CLEC16A: variants seen among roughly 807,000 people sequenced by gnomAD.
CLEC16A encodes protein CLEC16A.
Under a neutral mutation model 109.5 loss-of-function variants are expected in CLEC16A, and 51 were observed. The ratio of observed to expected loss-of-function variants is 0.47; its 90% CI spans 0.37 to 0.59. The LOEUF (loss-of-function observed/expected upper bound fraction) is 0.59. Among genes scored for constraint, CLEC16A ranks in the 20% least tolerant of loss-of-function variants. CLEC16A has a pLI of 0.00. For synonymous variants in CLEC16A, 673 were observed against 564.2 expected, an observed-to-expected ratio of 1.19 and a Z score of -2.73; for missense variants, 1,339 against 1,394.0, an observed-to-expected ratio of 0.96 and a Z score of 0.63.
chr16:11,168,320 C>G (rs530809833), intron 23 of CLEC16A, among the ~76,000 whole-genome samples: 18 of 152,312 alleles, frequency 1.2e-4, no homozygotes, highest in African/African-American at 4.1e-4. Context: ...CTTCTCATCT[C>G]AGAAATCCAG....
At chr16:11,120,966 G>A (rs1162280097) in intron 20 of CLEC16A, among the ~76,000 whole-genome samples, 200 bp downstream of exon 20, 1 of 152,090 alleles carries the variant, frequency 6.6e-6, no homozygotes. Context: ...AGTCCTCTTT[G>A]ACCAAAACGC....
intron 13 of CLEC16A, among the ~76,000 whole-genome samples, chr16:11,030,104 C>T (rs1258788746): frequency 6.6e-6 from 1 of 152,178 alleles, no homozygotes; most frequent in Non-Finnish European, 1.5e-5. Flanking sequence ...TATGAACATA[C>T]CACAGTTTAT....
intron 23 of CLEC16A, among the ~76,000 whole-genome samples, chr16:11,175,121 C>T (rs983320470): frequency 2.6e-5 from 4 of 152,214 alleles, no homozygotes; most frequent in Non-Finnish European, 4.4e-5. Context: ...TTTCCCAGCC[C>T]AGCACAACAA....
chr16:10,949,618 A>G (rs939427710), intron 1 of CLEC16A, among the ~76,000 whole-genome samples: 1 of 152,070 alleles, frequency 6.6e-6, no homozygotes, highest in African/African-American at 2.4e-5. Context: ...TCCAGAGGCC[A>G]GGTCCCCTGG....
chr16:11,040,031 C>T (rs369607399), intron 14 of CLEC16A, 155 bp downstream of exon 14: 1 of 889,904 alleles, frequency 1.1e-6, no homozygotes, highest in Non-Finnish European at 1.6e-6. Context: ...GCATCCTGGG[C>T]CAGCCCTCCT....
At chr16:11,144,875 G>A (rs867796930) in intron 22 of CLEC16A, among the ~76,000 whole-genome samples, 1 of 152,110 alleles carries the variant, frequency 6.6e-6, no homozygotes, top group African/African-American at 2.4e-5. Flanking sequence ...CTTGGGGGAC[G>A]GCTGTGCTAA....
intron 13 of CLEC16A, among the ~76,000 whole-genome samples, chr16:11,025,254 A>G (rs1037949543): frequency 2.6e-5 from 4 of 152,118 alleles, no homozygotes; most frequent in African/African-American, 9.7e-5. Flanking sequence ...CTCTTTCCTA[A>G]CATCAGAACT....
rs746162210 is a variant in CLEC16A at position 11,161,597 on chromosome 16, C to T, written c.2642-4791C>T. On this transcript the variant is annotated intron_variant, in intron 22 of 23. Transcript: ENST00000409790. ...TTGACTCGAAAGATATCTGGGGGTTCCAGCTTCCCTGAGTCCTATGGATTT... is the reference window on the plus strand; with the variant it reads ...TTGACTCGAAAGATATCTGGGGGTTTCAGCTTCCCTGAGTCCTATGGATTT... Among the ~76,000 whole-genome samples the T allele has an allele frequency of 4.6e-5, 7 of 152,176 alleles. No individual in the cohort carries two copies. In the East Asian group the frequency reaches 1.3e-3, roughly 29 times the overall value.
intron 11 of CLEC16A, among the ~76,000 whole-genome samples, chr16:11,019,225 C>G (rs368030200): frequency 5.9e-5 from 9 of 152,290 alleles, no homozygotes; most frequent in South Asian, 2.1e-4. Flanking sequence ...CCCGCACAGC[C>G]AAGAACTCTG....
chr16:11,124,768 G>T (rs1032977925), intron 21 of CLEC16A, among the ~76,000 whole-genome samples: 7 of 152,282 alleles, frequency 4.6e-5, no homozygotes, highest in African/African-American at 1.4e-4. Flanking sequence ...GGGATGTGGG[G>T]GTGCTTTCTC....
intron 22 of CLEC16A, chr16:11,156,648 T>C (rs2054534195): frequency 1.5e-6 from 2 of 1,304,290 alleles, no homozygotes; most frequent in Non-Finnish European, 2.0e-6. Flanking sequence ...GCTGACAGAC[T>C]GTTGTGGAGG....
In CLEC16A at chr16:11,040,514, C is replaced by CT. The variant is rs781297913; in HGVS notation, c.1660+654dup. ...TTTTTGTGATAGCGCTTTTTCTTTT[C>CT]TTTTTTTTTTTTTTTTGAGATGGAG... is the stretch of plus-strand genomic sequence containing the variant. On this transcript the variant is annotated intron_variant, in intron 14 of 23. Transcript: ENST00000409790. 337 of 101,488 alleles carry CT rather than the reference C, an allele frequency of 3.3e-3. 14 individuals carry two copies. The highest frequency in any genetic ancestry group is 0.012 in the South Asian group (32 of 2,680). The allele number at this position is 101,488 out of a possible 1,614,324, so 6.3% of individuals were successfully genotyped here.
intron 19 of CLEC16A, among the ~76,000 whole-genome samples, chr16:11,103,030 G>A (rs1364525205): frequency 6.6e-6 from 1 of 152,212 alleles, no homozygotes; most frequent in Non-Finnish European, 1.5e-5. Flanking sequence ...CCTGGAGGCT[G>A]AAACTCAGGG....
intron 19 of CLEC16A, among the ~76,000 whole-genome samples, chr16:11,092,254 G>A (rs1185928164): frequency 6.6e-6 from 1 of 152,100 alleles, no homozygotes; most frequent in Non-Finnish European, 1.5e-5. Flanking sequence ...TGAGGTGGGA[G>A]GATCGCTTGA....
chr16:10,980,523 G>A (rs1209513570), intron 9 of CLEC16A, among the ~76,000 whole-genome samples: 1 of 152,036 alleles, frequency 6.6e-6, no homozygotes, highest in East Asian at 1.9e-4. Context: ...AGCTGTTGGA[G>A]CATTGCCCGG....
At chr16:11,111,802 AATG>A (rs1567333687) in intron 19 of CLEC16A, among the ~76,000 whole-genome samples, 1 of 152,220 alleles carries the variant, frequency 6.6e-6, no homozygotes, top group Non-Finnish European at 1.5e-5. Flanking sequence ...TGTTTACCTT[AATG>A]ATTGTAAGTA....
At chr16:11,023,454 G>C (rs1216853519) in intron 12 of CLEC16A, among the ~76,000 whole-genome samples, 1 of 152,124 alleles carries the variant, frequency 6.6e-6, no homozygotes, top group East Asian at 1.9e-4. Context: ...TCTACACATG[G>C]CAAAACTATT....
Position 11,134,844 on chromosome 16 carries a change from C to G in CLEC16A, c.2641+8698C>G, listed in dbSNP as rs556993721. 2.0e-3 allele frequency among the ~76,000 whole-genome samples: 307 copies of G among 152,332 alleles called. 2 individuals are homozygous for G. The highest frequency in any genetic ancestry group is 7.1e-3 in the African/African-American group (294 of 41,580). On this transcript the variant is annotated intron_variant, in intron 22 of 23. Transcript: ENST00000409790. ...GGATAGGCCCTCCTTAGAGAGGGGC[C>G]TCAAGGGATGCCCCTGGTCTAGACA...
chr16:11,140,229 C>T (rs1490943444), intron 22 of CLEC16A, among the ~76,000 whole-genome samples: 1 of 152,138 alleles, frequency 6.6e-6, no homozygotes, highest in Non-Finnish European at 1.5e-5. Context: ...GCTGGGTCTC[C>T]GGTGCTGGGT....
Sources: allele counts gnomAD v4.1 joint callset (sites outside exome capture counted in the v4.1 genomes callset), GRCh38; gene constraint gnomAD v4.1.1; transcripts MANE v1.5; gene names NCBI Gene and HGNC (gene_info 2026-07-23, HGNC 2026-07-21).